TBL1X: variants seen among roughly 807,000 people sequenced by gnomAD.
TBL1X encodes the protein transducin beta like 1 X-linked.
In TBL1X, 10 loss-of-function variants were observed where a neutral mutation model predicts 50.7. The ratio of observed to expected loss-of-function variants is 0.20; its 90% confidence interval spans 0.12 to 0.33. TBL1X has a LOEUF of 0.33. Ranked by LOEUF, TBL1X falls within the 10% of genes least tolerant of loss-of-function variation. The probability of loss-of-function intolerance (pLI) is 1.00; values close to 1 mark genes in which losing one functional copy is unlikely to be tolerated. For synonymous variants in TBL1X, 190 were observed against 214.7 expected (o/e 0.88, Z 1.01); for missense variants, 340 against 504.4 (o/e 0.67, Z 3.12).
chrX:9,555,389 T>C (rs1239300481), intron 2 of TBL1X, among the ~76,000 whole-genome samples: 1 of 112,060 alleles, frequency 8.9e-6, no homozygotes, highest in Non-Finnish European at 1.9e-5. Context: ...TGTTTTTTAT[T>C]GTTAGATAAT....
intron 2 of TBL1X, among the ~76,000 whole-genome samples, chrX:9,512,680 G>A (rs2082062084): frequency 9.1e-6 from 1 of 109,962 alleles, no homozygotes; most frequent in Admixed American, 9.6e-5. Context: ...TGTAGTTTTG[G>A]TAGAGATGGG....
intron 2 of TBL1X, among the ~76,000 whole-genome samples, chrX:9,514,610 C>T (rs73487907): frequency 7.1e-5 from 8 of 112,095 alleles, no homozygotes; most frequent in Non-Finnish European, 1.1e-4. Context: ...TACACACTCA[C>T]ACTGCGTTGC....
At chrX:9,497,298 A>G (rs753287057) in intron 1 of TBL1X, among the ~76,000 whole-genome samples, 5 of 107,407 alleles carry the variant, frequency 4.7e-5, no homozygotes, top group South Asian at 4.2e-4. Context: ...AGTCCCAGCT[A>G]CTAGGGAGGC....
At chrX:9,674,255 C>G (rs1208763571) in intron 5 of TBL1X, among the ~76,000 whole-genome samples, 1 of 111,010 alleles carries the variant, frequency 9.0e-6, no homozygotes, top group Admixed American at 9.5e-5. Context: ...CTCCTCCCCC[C>G]GCCCGATATA....
chrX:9,481,063 A>T (rs911894092), intron 1 of TBL1X, among the ~76,000 whole-genome samples: 1 of 111,495 alleles, frequency 9.0e-6, no homozygotes, highest in Admixed American at 9.6e-5. Flanking sequence ...GGCTGTTCTG[A>T]AACTTTTGTC....
intron 11 of TBL1X, among the ~76,000 whole-genome samples, chrX:9,694,310 T>C (rs943708313): frequency 5.4e-5 from 6 of 111,419 alleles, no homozygotes; most frequent in African/African-American, 2.0e-4. Context: ...GCCTGAATAC[T>C]GGAGGATGCT....
intron 5 of TBL1X, among the ~76,000 whole-genome samples, chrX:9,674,482 G>A (rs767709377): frequency 2.7e-5 from 3 of 111,262 alleles, no homozygotes; most frequent in Non-Finnish European, 3.8e-5. Context: ...GACTAGTCTC[G>A]AACTCCTGGG....
intron 2 of TBL1X, among the ~76,000 whole-genome samples, chrX:9,550,631 GA>G (rs34537488): frequency 0.016 from 1,746 of 111,286 alleles, 49 homozygotes; most frequent in African/African-American, 0.054. Context: ...TGGAATGTAG[GA>G]AAAAAAATGT....
intron 2 of TBL1X, among the ~76,000 whole-genome samples, chrX:9,578,819 G>A (rs1382883808): frequency 8.9e-6 from 1 of 112,322 alleles, no homozygotes; most frequent in African/African-American, 3.2e-5. Context: ...AAACCATGAT[G>A]CCTCTACTCA....
chrX:9,693,198 T>G lies in TBL1X; in HGVS notation c.941T>G (p.Ile314Arg), dbSNP rs2083109927. Reference protein sequence around the residue: ...ATGSYDGFARIWTEDGNLAST... With the variant: ...ATGSYDGFARRWTEDGNLAST... ...GGTTCATATGACGGTTTTGCAAGAA[T>G]ATGGACGGAAGATGGTGAGTTCTGT... Residue 314 changes from isoleucine (I) to arginine (R), a missense_variant, in exon 10 of 18, where the codon ATA becomes AGA. Ile to Arg is a moderately conservative substitution (Grantham distance 97). Coordinates refer to ENST00000645353, the MANE Select transcript of TBL1X (RefSeq NM_005647.4). 8.3e-7 allele frequency: 1 copy of G among 1,209,505 alleles called. No homozygotes were observed. Among genetic ancestry groups the G allele is most frequent in the Non-Finnish European group, 1.1e-6 (1 of 895,153 alleles).
chrX:9,717,836 C>T lies in TBL1X; in HGVS notation c.*1590C>T, dbSNP rs1429394712. On this transcript the variant is annotated 3_prime_UTR_variant, in exon 18 of 18. Transcript: ENST00000645353. ...CTGAACGTGAATTATAGAGGTAGAA[C>T]GTCGCTAATAATTTCTGCCATCTTT... The T allele has an allele frequency of 1.8e-5, 2 of 112,162 alleles. No individual in the cohort carries two copies. The highest frequency in any genetic ancestry group is 3.2e-5 in the African/African-American group (1 of 30,889). The allele number at this position is 112,162 out of a possible 1,213,427, so 9.2% of individuals were successfully genotyped here. A position where few individuals can be genotyped will look rare whatever the true frequency, so the allele number is the denominator to read the frequency against.
At chrX:9,634,190 C>T (rs1207102807) in intron 2 of TBL1X, among the ~76,000 whole-genome samples, 1 of 111,319 alleles carries the variant, frequency 9.0e-6, no homozygotes, top group Non-Finnish European at 1.9e-5. Context: ...GCGGCAGAAC[C>T]TCATGGTGAC....
intron 3 of TBL1X, among the ~76,000 whole-genome samples, chrX:9,647,498 A>C (rs1239521407): frequency 2.7e-5 from 3 of 111,836 alleles, no homozygotes; most frequent in Non-Finnish European, 5.6e-5. Context: ...AAATAAACAC[A>C]GTTGCTCTAA....
chrX:9,530,992 A>G (rs780558351), intron 2 of TBL1X: 8 of 112,051 alleles, frequency 7.1e-5, no homozygotes, highest in Non-Finnish European at 1.5e-4. Flanking sequence ...CCCCTCCGTC[A>G]GCAGCTAACC....
At position 9,491,306 on chromosome X, in the gene TBL1X, TTATATATATATATATATATATA is replaced by T. The variant is rs757466880; in HGVS notation, c.-200-10462_-200-10441del. Among the ~76,000 whole-genome samples the T allele has an allele frequency of 1.2e-3, 60 of 51,900 alleles. No homozygotes were observed. In the Admixed American group the frequency reaches 0.017, roughly 15 times the overall value. 45.1% of individuals were successfully genotyped at this position (51,900 alleles called of 115,157 possible). On this transcript the variant is annotated intron_variant, in intron 1 of 17. Coordinates refer to ENST00000645353, the MANE Select transcript of TBL1X (RefSeq NM_005647.4). ...GCATCACCGCACTTGGCCAGTATATTTATATATATATATATATATATATATATATATATTTTTTTTTTTTTTT... is the reference window on the plus strand; with the variant it reads ...GCATCACCGCACTTGGCCAGTATATTTATATATATATTTTTTTTTTTTTTT...
In TBL1X at chrX:9,577,804, AAGTGTCTG is replaced by A. The variant is rs778685330; in HGVS notation, c.-130-62465_-130-62458del. Among the ~76,000 whole-genome samples, 7 of 112,421 alleles carry A rather than the reference AAGTGTCTG, an allele frequency of 6.2e-5. No individual in the cohort carries two copies. The East Asian group carries it at 2.0e-3, about 31-fold the overall frequency. On this transcript the variant is annotated intron_variant, in intron 2 of 17. Coordinates refer to ENST00000645353, the MANE Select transcript of TBL1X (RefSeq NM_005647.4). ...AATGCCAAGGCCAGGACAGTTAGCC[AAGTGTCTG>A]AGTCCATGGAGCTTCTCGGGCAGTG...
At chrX:9,480,046 G>A (rs774430257) in intron 1 of TBL1X, among the ~76,000 whole-genome samples, 1 of 109,477 alleles carries the variant, frequency 9.1e-6, no homozygotes, top group South Asian at 3.9e-4. Flanking sequence ...CGCCTCCCGG[G>A]TTCAAGCGAT....
At chrX:9,575,065 T>C (rs1217650818) in intron 2 of TBL1X, among the ~76,000 whole-genome samples, 1 of 111,521 alleles carries the variant, frequency 9.0e-6, no homozygotes, top group Non-Finnish European at 1.9e-5. Flanking sequence ...GACTCCCAGT[T>C]CTGCATGGCT....
intron 2 of TBL1X, among the ~76,000 whole-genome samples, chrX:9,546,387 G>A (rs1035811705): frequency 3.9e-4 from 43 of 111,649 alleles, no homozygotes; most frequent in Middle Eastern, 4.6e-3. Context: ...GGTGGCGGGC[G>A]CCTGTAGTCC....
Sources: gnomAD v4.1 joint callset for allele counts (sites outside exome capture counted in the v4.1 genomes callset) on GRCh38, gnomAD v4.1.1 for gene constraint, MANE v1.5 for transcripts, NCBI Gene and HGNC (gene_info 2026-07-23, HGNC 2026-07-21) for gene names.